The following RC3H2 variants were observed in gnomAD, a reference collection of about 807,000 sequenced individuals.
RC3H2 encodes roquin-2.
A neutral mutation model predicts 133.3 loss-of-function variants in RC3H2; 31 were observed. The ratio of observed to expected loss-of-function variants is 0.23; its 90% confidence interval spans 0.17 to 0.31. The LOEUF (loss-of-function observed/expected upper bound fraction) is 0.31, where lower values mean the gene tolerates loss of function less well. Among genes scored for constraint, RC3H2 ranks in the 10% least tolerant of loss-of-function variants. The pLI is 1.00. For missense variants in RC3H2, 1,175 were observed against 1,437.2 expected (o/e 0.82, Z 2.95); for synonymous variants, 517 against 502.2 (o/e 1.03, Z -0.40).
intron 3 of RC3H2, 22 bp from the exon 4 acceptor site, chr9:122,890,567 G>A (rs768895683): frequency 3.9e-6 from 6 of 1,550,204 alleles, no homozygotes; most frequent in Non-Finnish European, 5.2e-6. Context: ...GGGAAACAAA[G>A]GGAGCTAAAG....
intron 3 of RC3H2, among the ~76,000 whole-genome samples, chr9:122,892,405 C>T (rs1484164896): frequency 1.3e-5 from 2 of 151,824 alleles, no homozygotes; most frequent in African/African-American, 4.8e-5. Context: ...GAAGCCACCA[C>T]ACCCAGCTTG....
At chr9:122,900,293 CAG>C (rs1832606819) in intron 1 of RC3H2, among the ~76,000 whole-genome samples, 1 of 152,118 alleles carries the variant, frequency 6.6e-6, no homozygotes, top group African/African-American at 2.4e-5. Flanking sequence ...TTCTCTGTGT[CAG>C]AGTCTAGCTT....
chr9:122,865,699 A>T (rs1361125524), intron 9 of RC3H2, 42 bp from the exon 10 acceptor site: 4 of 1,557,020 alleles, frequency 2.6e-6, no homozygotes, highest in Admixed American at 3.5e-5. Context: ...TATTTCACTA[A>T]ATCTTACTCA....
intron 9 of RC3H2, among the ~76,000 whole-genome samples, chr9:122,868,077 C>G (rs1284731128): frequency 2.2e-5 from 3 of 134,440 alleles, no homozygotes; most frequent in Admixed American, 7.3e-5. Context: ...GTTGGGGGGT[C>G]AGCACCCCGC....
At chr9:122,887,866 C>T (rs1415344815) in intron 4 of RC3H2, among the ~76,000 whole-genome samples, 1 of 150,424 alleles carries the variant, frequency 6.6e-6, no homozygotes, top group East Asian at 2.0e-4. Context: ...GCCTCAGCTT[C>T]GCGAGTAGCT....
chr9:122,902,351 ACCAAAGT>A (rs1832690251), intron 1 of RC3H2, among the ~76,000 whole-genome samples: 1 of 152,224 alleles, frequency 6.6e-6, no homozygotes, highest in African/African-American at 2.4e-5. Flanking sequence ...CCTTCATATT[ACCAAAGT>A]CCTTAGCTCT....
chr9:122,851,027 T>C, intron 20 of RC3H2, 54 bp downstream of exon 20: 5 of 1,584,332 alleles, frequency 3.2e-6, no homozygotes, highest in Non-Finnish European at 4.3e-6. Context: ...CGCATTTTTT[T>C]CTCTTTATTA....
chr9:122,864,385 A>G (rs1027706095), intron 10 of RC3H2, among the ~76,000 whole-genome samples: 2 of 152,234 alleles, frequency 1.3e-5, no homozygotes, highest in Non-Finnish European at 2.9e-5. Flanking sequence ...GGTGATAATA[A>G]TAATAAAGCA....
intron 1 of RC3H2, among the ~76,000 whole-genome samples, chr9:122,904,284 G>A (rs1015403981): frequency 6.6e-6 from 1 of 152,198 alleles, no homozygotes; most frequent in African/African-American, 2.4e-5. Flanking sequence ...TTTACTTTAT[G>A]CCAGTGATTA....
chr9:122,872,655 G>A (rs762169630), intron 9 of RC3H2, among the ~76,000 whole-genome samples: 34 of 152,062 alleles, frequency 2.2e-4, no homozygotes, highest in Non-Finnish European at 3.1e-4. Context: ...GTGCAGTGGT[G>A]CTCACTGCAA....
At chr9:122,881,243 T>C (rs1269366492) in intron 5 of RC3H2, among the ~76,000 whole-genome samples, 2 of 151,896 alleles carry the variant, frequency 1.3e-5, no homozygotes, top group South Asian at 4.2e-4. Context: ...TCCCAGCACT[T>C]TGAGAGGCCG....
chr9:122,883,545 A>G (rs771767074), intron 4 of RC3H2, among the ~76,000 whole-genome samples, 166 bp from the exon 5 acceptor site: 2 of 152,230 alleles, frequency 1.3e-5, no homozygotes, highest in African/African-American at 2.4e-5. Context: ...AAAAGTAATC[A>G]AGCAAAATAA....
chr9:122,883,220 C>T lies in RC3H2; in HGVS notation c.743G>A (p.Arg248Gln). Residue 248 changes from arginine to glutamine, a missense_variant, in exon 5 of 21, where the codon CGA (arginine) becomes CAA (glutamine). Physicochemically the swap from Arg to Gln is conservative, Grantham distance 43. This residue lies in a region of RC3H2 where 121 missense variants were observed against 243.5 expected (regional missense o/e 0.50). Transcript: ENST00000357244. ...SIGHVVQLLY[R>Q]ASCFKVTKRD... Reference sequence around the variant, plus strand: ...ACTGCTTACCTTAAAACAAGAAGCTCGATACAGTAGTTGCACAACATGACC... The same window carrying T: ...ACTGCTTACCTTAAAACAAGAAGCTTGATACAGTAGTTGCACAACATGACC... 1 of 1,612,352 alleles carries T rather than the reference C, an allele frequency of 6.2e-7. No individual in the cohort carries two copies. Among genetic ancestry groups the T allele is most frequent in the Non-Finnish European group, 8.5e-7 (1 of 1,179,546 alleles).
At chr9:122,869,992 C>T (rs1830993322) in intron 9 of RC3H2, among the ~76,000 whole-genome samples, 1 of 152,178 alleles carries the variant, frequency 6.6e-6, no homozygotes, top group Non-Finnish European at 1.5e-5. Flanking sequence ...CTATGCCTTC[C>T]TCCACATTCT....
chr9:122,891,610 T>C (rs1407550572), intron 3 of RC3H2, among the ~76,000 whole-genome samples: 1 of 152,174 alleles, frequency 6.6e-6, no homozygotes, highest in African/African-American at 2.4e-5. Flanking sequence ...ATTACTCCTT[T>C]AAAACACATT....
chr9:122,853,790 G>T, intron 18 of RC3H2, 162 bp downstream of exon 18: 1 of 1,470,078 alleles, frequency 6.8e-7, no homozygotes, highest in Non-Finnish European at 9.1e-7. Context: ...AATTATTTAA[G>T]AAATCTGGGA....
chr9:122,899,362 T>C (rs1213501530), intron 1 of RC3H2, among the ~76,000 whole-genome samples: 1 of 152,100 alleles, frequency 6.6e-6, no homozygotes, highest in East Asian at 1.9e-4. Context: ...AGTGCTGGGA[T>C]TGCAGGCGTG....
chr9:122,868,765 TAAAA>T (rs953840143), intron 9 of RC3H2, among the ~76,000 whole-genome samples: 6 of 149,696 alleles, frequency 4.0e-5, no homozygotes, highest in Admixed American at 2.0e-4. Flanking sequence ...AATAAATAAA[TAAAA>T]AGAAAATGTG....
At chr9:122,880,401 T>C in intron 6 of RC3H2, 193 bp downstream of exon 6, 1 of 682,148 alleles carries the variant, frequency 1.5e-6, no homozygotes, top group South Asian at 1.7e-5. Context: ...GCTAGTATCA[T>C]GTATTTGTTT....
Sources: allele counts gnomAD v4.1 joint callset (sites outside exome capture counted in the v4.1 genomes callset), GRCh38; gene constraint gnomAD v4.1.1; regional missense constraint gnomAD v4.1.1; transcripts MANE v1.5; gene names NCBI Gene and HGNC (gene_info 2026-07-23, HGNC 2026-07-21).